WWOX: variants seen among roughly 807,000 people sequenced by gnomAD.
WWOX encodes the protein WW domain-containing oxidoreductase.
A neutral mutation model predicts 46.2 loss-of-function variants in WWOX; 69 were observed. The observed-to-expected ratio is 1.49, with a 90% CI of 1.23 to 1.82. WWOX has a LOEUF of 1.82. WWOX is among the 40% of genes most tolerant of loss of function. The pLI is 0.00. For missense variants in WWOX, 919 were observed against 542.6 expected, an observed-to-expected ratio of 1.69 and a Z score of -6.89; for synonymous variants, 359 against 202.6, an observed-to-expected ratio of 1.77 and a Z score of -6.56.
rs988536814 is a variant in WWOX at position 78,942,401 on chromosome 16, G to A, written c.1057-269207G>A. Among the ~76,000 whole-genome samples, 11 of 152,206 alleles carry A rather than the reference G, an allele frequency of 7.2e-5. No homozygotes were observed. In the East Asian group the frequency reaches 1.9e-3, roughly 27 times the overall value. ...TTGATACTCTCTTTTGCACTCTCGG[G>A]AGCAGTTTTGAGGACACACTGTAAA... On this transcript the variant is annotated intron_variant, in intron 8 of 8. Transcript: ENST00000566780.
At chr16:78,757,184 A>G (rs188751223) in intron 8 of WWOX, among the ~76,000 whole-genome samples, 1 of 152,326 alleles carries the variant, frequency 6.6e-6, no homozygotes, top group East Asian at 1.9e-4. Context: ...CGAGATAATA[A>G]AAGTTAATTA....
intron 8 of WWOX, among the ~76,000 whole-genome samples, chr16:78,613,885 A>T (rs536597714): frequency 1.3e-5 from 2 of 152,208 alleles, no homozygotes; most frequent in Non-Finnish European, 2.9e-5. Context: ...TTCACAGCCC[A>T]TAGGCCAAAT....
intron 8 of WWOX, among the ~76,000 whole-genome samples, chr16:78,853,343 G>A (rs529664698): frequency 9.2e-5 from 14 of 152,168 alleles, no homozygotes; most frequent in African/African-American, 3.4e-4. Flanking sequence ...GCCTCAGCCT[G>A]CTGGGATTAC....
chr16:79,042,539 A>C (rs544780840), intron 8 of WWOX, among the ~76,000 whole-genome samples: 7 of 152,246 alleles, frequency 4.6e-5, no homozygotes, highest in African/African-American at 1.4e-4. Flanking sequence ...ACTCAATAAA[A>C]TGTGGGTTTG....
intron 8 of WWOX, among the ~76,000 whole-genome samples, chr16:78,954,198 ATGGATGGT>A (rs1200721573): frequency 3.9e-5 from 6 of 152,144 alleles, no homozygotes; most frequent in Admixed American, 2.6e-4. Flanking sequence ...GGATGGATGG[ATGGATGGT>A]TGGATGGTTG....
intron 8 of WWOX, among the ~76,000 whole-genome samples, chr16:79,033,825 T>A (rs2047813614): frequency 6.6e-6 from 1 of 152,210 alleles, no homozygotes; most frequent in Admixed American, 6.5e-5. Flanking sequence ...GTGTGATGTG[T>A]TCTTTTGTGG....
intron 8 of WWOX, among the ~76,000 whole-genome samples, chr16:78,906,390 T>C (rs575244000): frequency 3.9e-5 from 6 of 152,168 alleles, no homozygotes; most frequent in African/African-American, 1.4e-4. Context: ...CTGATAAGGA[T>C]TTCCTCTCCT....
intron 8 of WWOX, among the ~76,000 whole-genome samples, chr16:78,661,740 T>C (rs542348251): frequency 3.9e-5 from 6 of 152,132 alleles, no homozygotes; most frequent in Non-Finnish European, 7.3e-5. Context: ...CATCTTTTAA[T>C]AATAGTAGTT....
chr16:78,781,239 C>G (rs530575954), intron 8 of WWOX, among the ~76,000 whole-genome samples: 1 of 152,162 alleles, frequency 6.6e-6, no homozygotes, highest in East Asian at 1.9e-4. Context: ...TCTTTAATGT[C>G]TGCCTGGAAC....
At chr16:78,749,672 T>C (rs1365442552) in intron 8 of WWOX, among the ~76,000 whole-genome samples, 2 of 152,158 alleles carry the variant, frequency 1.3e-5, no homozygotes, top group African/African-American at 4.8e-5. Context: ...GAGGAAAAAT[T>C]ATAGACCTCA....
At chr16:78,500,693 A>T (rs1051888745) in intron 8 of WWOX, among the ~76,000 whole-genome samples, 1 of 152,176 alleles carries the variant, frequency 6.6e-6, no homozygotes, top group African/African-American at 2.4e-5. Flanking sequence ...CAGCTGGACT[A>T]GCTTTTCGGG....
rs562599706 is a variant in WWOX, at chr16:78,275,760, C to T, written c.517-111100C>T. ...TTAAATCTTCCTTTTGGTATTTGTC[C>T]CTTAAGGCAACACTTTCAGTCTCAG... On this transcript the variant is annotated intron_variant, in intron 5 of 8. Coordinates refer to ENST00000566780, the MANE Select transcript of WWOX (RefSeq NM_016373.4). Among the ~76,000 whole-genome samples, 3 of 152,204 alleles carry T rather than the reference C, an allele frequency of 2.0e-5. No individual in the cohort carries two copies. The East Asian group carries it at 5.8e-4, about 29-fold the overall frequency.
intron 8 of WWOX, among the ~76,000 whole-genome samples, chr16:78,530,048 A>G (rs1402700819): frequency 6.6e-6 from 1 of 152,080 alleles, no homozygotes; most frequent in African/African-American, 2.4e-5. Context: ...CACTCACTTG[A>G]ACCCCCTGCA....
rs546421185 is a variant in WWOX at position 78,678,241 on chromosome 16, T to A, written c.1056+245489T>A. ...AAGTGAGTGAATGGGCTGGGTGTGG[T>A]GGGTCACACCTGTAATCCTGGCTAC... On this transcript the variant is annotated intron_variant, in intron 8 of 8. Transcript: ENST00000566780. 5.3e-5 allele frequency among the ~76,000 whole-genome samples: 8 copies of A among 152,202 alleles called. No homozygotes were observed. In the South Asian group the frequency reaches 1.7e-3, roughly 32 times the overall value.
At chr16:78,554,974 G>C (rs2044256242) in intron 8 of WWOX, among the ~76,000 whole-genome samples, 1 of 152,096 alleles carries the variant, frequency 6.6e-6, no homozygotes, top group Non-Finnish European at 1.5e-5. Context: ...TGAGTAAGAA[G>C]AAAAGGGGCC....
At chr16:78,539,482 G>C (rs1243227406) in intron 8 of WWOX, among the ~76,000 whole-genome samples, 5 of 152,156 alleles carry the variant, frequency 3.3e-5, no homozygotes, top group Non-Finnish European at 1.5e-5. Context: ...ATTCTGCATC[G>C]ATAAAAAGTG....
chr16:78,446,453 G>A lies in WWOX; in HGVS notation c.1056+13701G>A, dbSNP rs562121294. 2.0e-4 allele frequency among the ~76,000 whole-genome samples: 31 copies of A among 152,214 alleles called. 1 individual carries two copies. Among genetic ancestry groups the A allele is most frequent in the East Asian group, 3.9e-4 (2 of 5,176 alleles). On this transcript the variant is annotated intron_variant, in intron 8 of 8. Transcript: ENST00000566780. ...TGTTGCAAGGACTAAAATCAGGAAG[G>A]CCTGGAAAGACTTGGAAGCATTTCT...
chr16:78,846,759 C>G (rs867260573), intron 8 of WWOX, among the ~76,000 whole-genome samples: 4 of 152,036 alleles, frequency 2.6e-5, no homozygotes, highest in African/African-American at 9.7e-5. Flanking sequence ...AAATTTTCAT[C>G]CATTAATTTT....
At chr16:78,487,826 T>A (rs1205128108) in intron 8 of WWOX, among the ~76,000 whole-genome samples, 1 of 152,138 alleles carries the variant, frequency 6.6e-6, no homozygotes, top group Non-Finnish European at 1.5e-5. Flanking sequence ...CCTCCTTTTC[T>A]CTGGCTTCCA....
Sources: allele counts gnomAD v4.1 joint callset (sites outside exome capture counted in the v4.1 genomes callset), GRCh38; gene constraint gnomAD v4.1.1; transcripts MANE v1.5; gene names NCBI Gene and HGNC (gene_info 2026-07-23, HGNC 2026-07-21).